Variants in CNKSR2 observed in about 807,000 individuals in gnomAD.
The protein encoded by CNKSR2 is connector enhancer of kinase suppressor of Ras 2, also known as CNK homolog protein 2.
CNKSR2 carries 14 observed loss-of-function variants against 84.4 expected under a neutral mutation model. That is an observed-to-expected ratio of 0.17 (90% CI 0.11 to 0.26). The LOEUF (loss-of-function observed/expected upper bound fraction) is 0.26, where lower values mean the gene tolerates loss of function less well. CNKSR2 is among the 10% of genes least tolerant of loss of function. The pLI is 1.00. For synonymous variants in CNKSR2, 275 were observed against 277.9 expected, an observed-to-expected ratio of 0.99 and a Z score of 0.10; for missense variants, 485 against 771.2, an observed-to-expected ratio of 0.63 and a Z score of 4.40.
chrX:21,592,051 T>C (rs2092424156), intron 15 of CNKSR2: 1 of 111,769 alleles, frequency 8.9e-6, no homozygotes, highest in Non-Finnish European at 1.9e-5. Flanking sequence ...GAAATATAAT[T>C]TAACAACATT....
chrX:21,581,645 A>G, intron 13 of CNKSR2, among the ~76,000 whole-genome samples: 1 of 111,817 alleles, frequency 8.9e-6, no homozygotes. Context: ...ACTGGACAGG[A>G]TGCGCTGACA....
Position 21,606,862 on chromosome X carries a change from T to G in CNKSR2, c.2128T>G (p.Tyr710Asp). ...TAGCCCTCCACCCCCATATGATACATACCCACGACCTCCCTCGGTAAGTTA... is the reference window on the plus strand; with the variant it reads ...TAGCCCTCCACCCCCATATGATACAGACCCACGACCTCCCTCGGTAAGTTA... The part of the protein sequence containing the change: ...QDSPPPPYDT[Y>D]PRPPSMSCAS... The change falls in exon 19 of 22, where the codon TAC becomes GAC. Residue 710 changes from tyrosine to aspartate, a missense_variant. Transcript: ENST00000379510. 8.7e-7 allele frequency: 1 copy of G among 1,152,798 alleles called. No homozygotes were observed. Among genetic ancestry groups the G allele is most frequent in the Non-Finnish European group, 1.2e-6 (1 of 849,133 alleles).
intron 13 of CNKSR2, among the ~76,000 whole-genome samples, chrX:21,569,247 G>A (rs2092265530): frequency 9.0e-6 from 1 of 111,172 alleles, no homozygotes; most frequent in Non-Finnish European, 1.9e-5. Flanking sequence ...GCTGGTGGAG[G>A]GTTTTACCTC....
intron 9 of CNKSR2, among the ~76,000 whole-genome samples, chrX:21,525,188 AAT>A (rs1280144168): frequency 1.8e-5 from 2 of 110,964 alleles, no homozygotes; most frequent in Non-Finnish European, 3.8e-5. Context: ...TTAGAAATAA[AAT>A]AGTTATTTAT....
At chrX:21,468,693 G>A (rs1367675286) in intron 4 of CNKSR2, 1 of 111,473 alleles carries the variant, frequency 9.0e-6, no homozygotes, top group Non-Finnish European at 1.9e-5. Context: ...TTGTTCCTAT[G>A]CCTTTTCAGG....
intron 1 of CNKSR2, among the ~76,000 whole-genome samples, chrX:21,416,372 T>G (rs1280684335): frequency 8.9e-6 from 1 of 111,753 alleles, no homozygotes; most frequent in Non-Finnish European, 1.9e-5. Context: ...TTTGCATCAA[T>G]ATTCATCAGA....
chrX:21,641,541 A>G, intron 20 of CNKSR2: 1 of 1,176,946 alleles, frequency 8.5e-7, no homozygotes, highest in South Asian at 1.9e-5. Flanking sequence ...AGGCTAATAC[A>G]CTGCGAGAGT....
rs1569264129 is a variant in CNKSR2 at position 21,595,025 on chromosome X, G to A, written c.1882G>A (p.Ala628Thr). Residue 628 changes from alanine to threonine, a missense_variant, in exon 16 of 22, where the codon GCC (alanine) becomes ACC (threonine). Coordinates refer to ENST00000379510, the MANE Select transcript of CNKSR2 (RefSeq NM_014927.5). ...ISLPEFKIDRASECRKKYAFK... is the reference protein window; with the variant it reads ...ISLPEFKIDRTSECRKKYAFK... ...CCTGCCTGAATTTAAAATTGATAGA[G>A]CCAGTGAATGCCGCAAAAAATAGTA... The A allele has an allele frequency of 1.7e-6, 2 of 1,197,932 alleles. No individual in the cohort carries two copies. The highest frequency in any genetic ancestry group is 1.8e-5 in the South Asian group (1 of 56,127).
In CNKSR2 at chrX:21,654,664, G is replaced by A. The variant is rs1166838072; in HGVS notation, c.*2143G>A. The A allele has an allele frequency of 2.7e-5, 3 of 111,737 alleles. No homozygotes were observed. The highest frequency in any genetic ancestry group is 5.6e-5 in the Non-Finnish European group (3 of 53,181). The allele number at this position is 111,737 out of a possible 1,213,427, so 9.2% of individuals were successfully genotyped here. On this transcript the variant is annotated 3_prime_UTR_variant, in exon 22 of 22. Transcript: ENST00000379510. Reference sequence around the variant, plus strand: ...GAGAGAGGCAGCACTGTAAACTGAAGTCAAATAAATTCAGCTCTTAATGAA... The same window carrying A: ...GAGAGAGGCAGCACTGTAAACTGAAATCAAATAAATTCAGCTCTTAATGAA...
chrX:21,493,709 C>A (rs1423534921), intron 6 of CNKSR2: 1 of 111,060 alleles, frequency 9.0e-6, no homozygotes, highest in African/African-American at 3.3e-5. Flanking sequence ...TTCTCTGGAC[C>A]CTTTCTTATT....
intron 11 of CNKSR2, among the ~76,000 whole-genome samples, chrX:21,556,833 G>A (rs2092144196): frequency 9.0e-6 from 1 of 110,570 alleles, no homozygotes; most frequent in South Asian, 3.8e-4. Context: ...GCTGGGTAGA[G>A]GTTTGTGGGG....
At chrX:21,497,576 T>C (rs1416189546) in intron 6 of CNKSR2, among the ~76,000 whole-genome samples, 1 of 111,504 alleles carries the variant, frequency 9.0e-6, no homozygotes, top group Non-Finnish European at 1.9e-5. Context: ...TTTAATTGAG[T>C]ATAGGCTTCT....
At chrX:21,492,301 T>C (rs2091450328) in intron 6 of CNKSR2, 1 of 111,525 alleles carries the variant, frequency 9.0e-6, no homozygotes, top group Admixed American at 9.5e-5. Flanking sequence ...ATCTGGGAAC[T>C]TAAAATGCTA....
intron 11 of CNKSR2, among the ~76,000 whole-genome samples, chrX:21,555,511 G>A (rs1189009023): frequency 9.0e-6 from 1 of 111,100 alleles, no homozygotes; most frequent in African/African-American, 3.3e-5. Flanking sequence ...CTCTTTAAAT[G>A]TGTGATTCTC....
At chrX:21,384,860 G>A (rs2089946761) in intron 1 of CNKSR2, among the ~76,000 whole-genome samples, 1 of 111,792 alleles carries the variant, frequency 8.9e-6, no homozygotes, top group Non-Finnish European at 1.9e-5. Context: ...GAAAGGTCAT[G>A]TACTTCACAT....
At position 21,642,532 on chromosome X, in the gene CNKSR2, AT is replaced by A. The variant is rs372438736; in HGVS notation, c.2693-6296del. On this transcript the variant is annotated intron_variant, in intron 20 of 21. Transcript: ENST00000379510. ...ATTTTTCTTCTGTAGTGGATGTGAAATTTCCTTTAGTTGGATAAGATACACT... is the reference window on the plus strand; with the variant it reads ...ATTTTTCTTCTGTAGTGGATGTGAAATTCCTTTAGTTGGATAAGATACACT... 279 of 747,795 alleles carry A rather than the reference AT, an allele frequency of 3.7e-4. 1 individual carries two copies. The African/African-American group carries it at 5.0e-3, about 13-fold the overall frequency. The allele number at this position is 747,795 out of a possible 1,213,427, so 61.6% of individuals were successfully genotyped here.
In CNKSR2 at chrX:21,561,525, A is replaced by C; in HGVS notation, c.1358A>C (p.Glu453Ala). ...GAATATAATTGGGTGGGGGACTATG[A>C]AGATCCAAATAAGATGAAGAGAGAT... Reference protein sequence around the residue: ...PVEYNWVGDYEDPNKMKRDSR... With the variant: ...PVEYNWVGDYADPNKMKRDSR... Residue 453 changes from glutamate (E) to alanine (A), a missense_variant, in exon 12 of 22, where the codon GAA becomes GCA. Physicochemically the swap from Glu to Ala is moderately radical, Grantham distance 107. Around this residue, in one of 5 missense-constraint regions of CNKSR2, gnomAD observed 132 missense variants for 166.7 expected, o/e 0.79. Transcript: ENST00000379510. The C allele has an allele frequency of 2.5e-6, 3 of 1,205,701 alleles. No individual in the cohort carries two copies. The highest frequency in any genetic ancestry group is 3.4e-6 in the Non-Finnish European group (3 of 890,604).
chrX:21,593,619 T>C (rs2092434061), intron 15 of CNKSR2: 1 of 111,732 alleles, frequency 8.9e-6, no homozygotes. Flanking sequence ...GGATAACTCG[T>C]ATCTAACATA....
chrX:21,586,226 G>T (rs939931042), intron 13 of CNKSR2, among the ~76,000 whole-genome samples: 12 of 111,714 alleles, frequency 1.1e-4, no homozygotes, highest in Non-Finnish European at 2.3e-4. Flanking sequence ...GACTCACGAG[G>T]TGTAACCAAC....
Sources: allele counts gnomAD v4.1 joint callset (sites outside exome capture counted in the v4.1 genomes callset), GRCh38; gene constraint gnomAD v4.1.1; regional missense constraint gnomAD v4.1.1; transcripts MANE v1.5; gene names NCBI Gene and HGNC (gene_info 2026-07-23, HGNC 2026-07-21).